Variants in CEP112 observed in about 807,000 individuals in gnomAD.
CEP112 encodes the protein centrosomal protein of 112 kDa.
CEP112 carries 127 observed loss-of-function variants against 153.0 expected under a neutral mutation model. The observed-to-expected ratio is 0.83, with a 90% CI of 0.72 to 0.96. CEP112 has a LOEUF of 0.96. Among genes scored for constraint, CEP112 ranks in the 40% least tolerant of loss-of-function variants. CEP112 has a pLI of 0.00. For synonymous variants in CEP112, 358 were observed against 374.4 expected, an observed-to-expected ratio of 0.96 and a Z score of 0.51; for missense variants, 1,089 against 1,101.2, an observed-to-expected ratio of 0.99 and a Z score of 0.16.
chr17:65,729,743 T>G (rs1941041758), intron 23 of CEP112, among the ~76,000 whole-genome samples: 1 of 152,144 alleles, frequency 6.6e-6, no homozygotes, highest in South Asian at 2.1e-4. Context: ...ACCCTGTCTC[T>G]ATTAAAAATA....
At chr17:66,035,062 A>G (rs544520199) in intron 12 of CEP112, among the ~76,000 whole-genome samples, 2 of 147,240 alleles carry the variant, frequency 1.4e-5, no homozygotes, top group South Asian at 4.4e-4. Context: ...CTGGTCCTGA[A>G]CCCCTGACCT....
chr17:65,909,205 A>G (rs2143767338), intron 19 of CEP112, among the ~76,000 whole-genome samples: 1 of 152,368 alleles, frequency 6.6e-6, no homozygotes, highest in South Asian at 2.1e-4. Context: ...AAAAGGGGAA[A>G]TGATGGTATA....
chr17:65,897,656 A>G (rs1044556967), intron 20 of CEP112, among the ~76,000 whole-genome samples: 1 of 152,220 alleles, frequency 6.6e-6, no homozygotes, highest in East Asian at 1.9e-4. Flanking sequence ...CATAATATCT[A>G]CAAAATTATA....
intron 20 of CEP112, among the ~76,000 whole-genome samples, chr17:65,888,326 T>C (rs748850324): frequency 4.6e-5 from 7 of 152,206 alleles, no homozygotes; most frequent in Non-Finnish European, 7.3e-5. Flanking sequence ...TTTATCCTAC[T>C]TATCATGCTA....
chr17:65,982,108 G>A (rs2063249030), intron 17 of CEP112, among the ~76,000 whole-genome samples: 1 of 151,828 alleles, frequency 6.6e-6, no homozygotes, highest in Admixed American at 6.6e-5. Flanking sequence ...ATATATTTAT[G>A]GAGTATATGG....
Position 65,669,859 on chromosome 17 carries a change from C to T in CEP112, c.2697+19270G>A, listed in dbSNP as rs567431453. On this transcript the variant is annotated intron_variant, in intron 24 of 26. Transcript: ENST00000535342. The stretch of plus-strand genomic sequence containing the variant: ...CGGAGGTTGCGGTGAGCCGAGATCG[C>T]GCCACTGCACTCCAGCCTGGGCGAC... 2.7e-3 allele frequency among the ~76,000 whole-genome samples: 408 copies of T among 150,048 alleles called. 2 individuals are homozygous for T. The highest frequency in any genetic ancestry group is 4.2e-3 in the Non-Finnish European group (285 of 67,764).
At chr17:65,786,940 C>T (rs1017138541) in intron 21 of CEP112, among the ~76,000 whole-genome samples, 9 of 152,090 alleles carry the variant, frequency 5.9e-5, no homozygotes, top group East Asian at 5.8e-4. Flanking sequence ...ATTTCTATGG[C>T]GTGTGTCAGA....
intron 4 of CEP112, among the ~76,000 whole-genome samples, chr17:66,166,549 G>A (rs950307774): frequency 5.3e-5 from 8 of 151,986 alleles, no homozygotes; most frequent in Admixed American, 3.3e-4. Flanking sequence ...TATTACTTTT[G>A]TGTTCTTTGA....
intron 6 of CEP112, among the ~76,000 whole-genome samples, chr17:66,112,731 G>C (rs765352468): frequency 6.6e-6 from 1 of 152,190 alleles, no homozygotes; most frequent in Non-Finnish European, 1.5e-5. Flanking sequence ...ATCACTCGAG[G>C]TCAGGCGTTC....
At chr17:65,732,899 A>G (rs2050591665) in intron 23 of CEP112, among the ~76,000 whole-genome samples, 1 of 152,210 alleles carries the variant, frequency 6.6e-6, no homozygotes, top group Admixed American at 6.5e-5. Context: ...CCATATCACC[A>G]CAAAGCTGCT....
chr17:66,031,390 A>T (rs1598166569), intron 12 of CEP112, among the ~76,000 whole-genome samples: 1 of 152,044 alleles, frequency 6.6e-6, no homozygotes, highest in East Asian at 1.9e-4. Flanking sequence ...CTACAAGAGG[A>T]TATTCTATTA....
intron 19 of CEP112, among the ~76,000 whole-genome samples, chr17:65,904,758 T>C (rs956097507): frequency 1.1e-4 from 17 of 152,080 alleles, no homozygotes; most frequent in Non-Finnish European, 2.2e-4. Flanking sequence ...AACAGATATA[T>C]AGGCCAATGG....
rs553968271 is a variant in CEP112, at chr17:65,776,303, C to T, written c.2395-25579G>A. ...AGGCTGGAGTGCAGTGGTGCAATCTCGGCTTGCTGCAAGCTCCGCCTCCCG... is the reference window on the plus strand; with the variant it reads ...AGGCTGGAGTGCAGTGGTGCAATCTTGGCTTGCTGCAAGCTCCGCCTCCCG... On this transcript the variant is annotated intron_variant, in intron 21 of 26. Transcript: ENST00000535342. Among the ~76,000 whole-genome samples the T allele has an allele frequency of 7.9e-5, 12 of 152,244 alleles. No homozygotes were observed. The East Asian group carries it at 2.3e-3, about 29-fold the overall frequency.
intron 21 of CEP112, among the ~76,000 whole-genome samples, chr17:65,834,997 T>C (rs1398249427): frequency 2.6e-5 from 4 of 152,072 alleles, no homozygotes; most frequent in Non-Finnish European, 5.9e-5. Flanking sequence ...ATATATACCA[T>C]GGAATACTAT....
chr17:65,937,389 T>C (rs1207736397), intron 18 of CEP112, among the ~76,000 whole-genome samples: 2 of 108,822 alleles, frequency 1.8e-5, no homozygotes, highest in African/African-American at 6.9e-5. Flanking sequence ...TCTGCCCGGC[T>C]GCCCATCGTC....
At chr17:66,106,474 A>G (rs1417890294) in intron 6 of CEP112, among the ~76,000 whole-genome samples, 1 of 152,100 alleles carries the variant, frequency 6.6e-6, no homozygotes, top group Non-Finnish European at 1.5e-5. Flanking sequence ...TACAACTGAT[A>G]TGGCAGAAAT....
chr17:65,720,052 G>T (rs2049777497), intron 23 of CEP112, among the ~76,000 whole-genome samples: 1 of 152,204 alleles, frequency 6.6e-6, no homozygotes, highest in South Asian at 2.1e-4. Flanking sequence ...GAGGCTCAGA[G>T]GGCTGGGTGA....
In CEP112 at chr17:65,680,115, G is replaced by A. The variant is rs563100711; in HGVS notation, c.2697+9014C>T. On this transcript the variant is annotated intron_variant, in intron 24 of 26. Transcript: ENST00000535342. ...GTCTTGTTTTAGAGGAGAGCAGAAA[G>A]GTGGGTGCCACGGGCAGGGCACTGG... 2.0e-5 allele frequency among the ~76,000 whole-genome samples: 3 copies of A among 152,258 alleles called. No individual in the cohort carries two copies. In the East Asian group the frequency reaches 5.8e-4, roughly 29 times the overall value.
chr17:65,871,591 C>G (rs1000269897), intron 20 of CEP112, among the ~76,000 whole-genome samples: 1 of 152,140 alleles, frequency 6.6e-6, no homozygotes, highest in Non-Finnish European at 1.5e-5. Flanking sequence ...GCCAAGATCG[C>G]ACCACTGCAC....
Sources: allele counts gnomAD v4.1 joint callset (sites outside exome capture counted in the v4.1 genomes callset), GRCh38; gene constraint gnomAD v4.1.1; transcripts MANE v1.5; gene names NCBI Gene and HGNC (gene_info 2026-07-23, HGNC 2026-07-21).